Variants in RGL1 observed in about 807,000 individuals in gnomAD.
RGL1 encodes ral guanine nucleotide dissociation stimulator like 1.
A neutral mutation model predicts 95.2 loss-of-function variants in RGL1; 24 were observed. That is an observed-to-expected ratio of 0.25 (90% CI 0.18 to 0.35). The LOEUF is 0.35. Among genes scored for constraint, RGL1 ranks in the 10% least tolerant of loss-of-function variants. The pLI, the probability that RGL1 is intolerant of heterozygous loss-of-function variation, is 1.00. For missense variants in RGL1, 715 were observed against 936.3 expected (o/e 0.76, Z 3.08); for synonymous variants, 329 against 344.9 (o/e 0.95, Z 0.51).
In RGL1 at chr1:183,927,368, A is replaced by C. The variant is rs1469748389; in HGVS notation, c.*1076A>C. On this transcript the variant is annotated 3_prime_UTR_variant, in exon 18 of 18. Coordinates refer to ENST00000360851, the MANE Select transcript of RGL1 (RefSeq NM_001297671.3). The stretch of plus-strand genomic sequence containing the variant: ...TTTGATTATTTTGAGCTTGTGAAAG[A>C]TTTCTGAACAGTGATTGTCCCGTTA... The C allele has an allele frequency of 1.3e-5, 2 of 152,422 alleles. No homozygotes were observed. The highest frequency in any genetic ancestry group is 2.9e-5 in the Non-Finnish European group (2 of 68,022). The allele number at this position is 152,422 out of a possible 1,614,324, so 9.4% of individuals were successfully genotyped here. A position where few individuals can be genotyped will look rare whatever the true frequency, so the allele number is the denominator to read the frequency against.
intron 2 of RGL1, among the ~76,000 whole-genome samples, chr1:183,795,900 A>G (rs1193933223): frequency 6.6e-6 from 1 of 152,162 alleles, no homozygotes; most frequent in African/African-American, 2.4e-5. Context: ...GCTTCAAGCT[A>G]AAAAATCTTG....
At chr1:183,812,854 G>T (rs1161738553) in intron 2 of RGL1, among the ~76,000 whole-genome samples, 1 of 152,214 alleles carries the variant, frequency 6.6e-6, no homozygotes, top group Non-Finnish European at 1.5e-5. Flanking sequence ...CTCAGCCTGG[G>T]GAAGAGATAA....
intron 1 of RGL1, among the ~76,000 whole-genome samples, chr1:183,689,834 T>C (rs986744877): frequency 6.6e-6 from 1 of 152,064 alleles, no homozygotes; most frequent in Non-Finnish European, 1.5e-5. Context: ...ATAAAAAACA[T>C]TCATTCAGCT....
At chr1:183,774,944 C>A (rs1572396981) in intron 2 of RGL1, among the ~76,000 whole-genome samples, 1 of 152,302 alleles carries the variant, frequency 6.6e-6, no homozygotes, top group East Asian at 1.9e-4. Flanking sequence ...ATAACTGAAA[C>A]TCACCAGATC....
intron 1 of RGL1, among the ~76,000 whole-genome samples, chr1:183,664,785 G>A (rs1291777550): frequency 3.3e-5 from 5 of 151,878 alleles, no homozygotes; most frequent in East Asian, 1.9e-4. Flanking sequence ...GGAGTTTTTC[G>A]GTCAATTCTT....
At chr1:183,875,381 A>T (rs60294032) in intron 4 of RGL1, among the ~76,000 whole-genome samples, 3 of 152,202 alleles carry the variant, frequency 2.0e-5, no homozygotes, top group Non-Finnish European at 2.9e-5. Flanking sequence ...ACGTTTACCT[A>T]AAATCTGCAT....
chr1:183,701,763 C>T (rs6424906), intron 1 of RGL1, among the ~76,000 whole-genome samples: 71,983 of 151,596 alleles, frequency 0.47, 17,702 homozygotes, highest in East Asian at 0.76. Context: ...GTGGTGAAAC[C>T]CCATCTCCAC....
intron 1 of RGL1, among the ~76,000 whole-genome samples, chr1:183,645,610 G>A (rs1650234223): frequency 6.6e-6 from 1 of 152,234 alleles, no homozygotes; most frequent in South Asian, 2.1e-4. Flanking sequence ...TCCCCGGCCA[G>A]CCTGATATGA....
chr1:183,767,401 G>C (rs1659032701), intron 2 of RGL1, among the ~76,000 whole-genome samples: 1 of 152,136 alleles, frequency 6.6e-6, no homozygotes, highest in Admixed American at 6.5e-5. Flanking sequence ...GGAGGCTACA[G>C]TGTTACCCAC....
At position 183,916,674 on chromosome 1, in the gene RGL1, T is replaced by A. The variant is rs750957680; in HGVS notation, c.1977T>A (p.Asn659Lys). The change falls in exon 16 of 18, where the codon AAT becomes AAA. Residue 659 changes from asparagine (N) to lysine (K), a missense_variant. Coordinates refer to ENST00000360851, the MANE Select transcript of RGL1 (RefSeq NM_001297671.3). ...TCIIRISVED[N>K]NGNMYKSIML... ...TAATCCGCATCAGTGTGGAAGACAATAACGGCAACATGTACAAGAGCATCA... is the reference window on the plus strand; with the variant it reads ...TAATCCGCATCAGTGTGGAAGACAAAAACGGCAACATGTACAAGAGCATCA... The A allele has an allele frequency of 6.2e-7, 1 of 1,613,310 alleles. No homozygotes were observed. Among genetic ancestry groups the A allele is most frequent in the Non-Finnish European group, 8.5e-7 (1 of 1,179,938 alleles).
At chr1:183,813,618 A>T (rs1572445916) in intron 2 of RGL1, among the ~76,000 whole-genome samples, 2 of 152,214 alleles carry the variant, frequency 1.3e-5, no homozygotes, top group African/African-American at 2.4e-5. Flanking sequence ...CTATGATTAC[A>T]GAGTTGTATT....
intron 1 of RGL1, among the ~76,000 whole-genome samples, chr1:183,645,370 C>T (rs1455569658): frequency 6.6e-6 from 1 of 152,226 alleles, no homozygotes; most frequent in African/African-American, 2.4e-5. Flanking sequence ...CCCCCAAACC[C>T]TGGACCTTGG....
intron 2 of RGL1, among the ~76,000 whole-genome samples, chr1:183,755,883 CTTTTTTTTTT>C (rs533584889): frequency 7.3e-6 from 1 of 136,446 alleles, no homozygotes; most frequent in African/African-American, 2.7e-5. Context: ...TGAGTTCATT[CTTTTTTTTTT>C]TTTTTTTGAC....
At chr1:183,668,935 CTTTTCT>C (rs1652235821) in intron 1 of RGL1, among the ~76,000 whole-genome samples, 2 of 115,556 alleles carry the variant, frequency 1.7e-5, no homozygotes, top group Non-Finnish European at 3.6e-5. Flanking sequence ...ATTGGACTTT[CTTTTCT>C]TTTTTTTTTT....
intron 1 of RGL1, chr1:183,648,426 A>G: frequency 6.2e-7 from 1 of 1,614,208 alleles, no homozygotes; most frequent in Non-Finnish European, 8.5e-7. Context: ...GGAATACAGA[A>G]TGATATGCCT....
At chr1:183,735,915 G>A (rs1656909310) in intron 1 of RGL1, among the ~76,000 whole-genome samples, 1 of 152,278 alleles carries the variant, frequency 6.6e-6, no homozygotes. Flanking sequence ...ACAATTAGGA[G>A]GCTGTATCTT....
In RGL1 at chr1:183,897,741, G is replaced by T; in HGVS notation, c.1141-67G>T. 3 of 1,179,082 alleles carry T rather than the reference G, an allele frequency of 2.5e-6. No individual in the cohort carries two copies. The Admixed American group carries it at 5.3e-5, about 21-fold the overall frequency. 73.0% of individuals were successfully genotyped at this position (1,179,082 alleles called of 1,614,324 possible). A position where few individuals can be genotyped will look rare whatever the true frequency, so the allele number is the denominator to read the frequency against. On this transcript the variant is annotated intron_variant, in intron 9 of 17. Transcript: ENST00000360851. The stretch of plus-strand genomic sequence containing the variant: ...CAGGGTTGTGTGCGAGAAACTAGAT[G>T]CCTCTTTACTTCTTACCATTGTGGC...
intron 1 of RGL1, among the ~76,000 whole-genome samples, chr1:183,642,197 C>A (rs1025818546): frequency 1.3e-5 from 2 of 152,174 alleles, no homozygotes; most frequent in Non-Finnish European, 2.9e-5. Flanking sequence ...TTATCCTGTT[C>A]ATATTTTATT....
chr1:183,683,650 T>G (rs1653374043), intron 1 of RGL1, among the ~76,000 whole-genome samples: 1 of 152,234 alleles, frequency 6.6e-6, no homozygotes, highest in Non-Finnish European at 1.5e-5. Flanking sequence ...GTCTTGGGGT[T>G]GCTCTTCTCG....
Sources: gnomAD v4.1 joint callset for allele counts (sites outside exome capture counted in the v4.1 genomes callset) on GRCh38, gnomAD v4.1.1 for gene constraint, MANE v1.5 for transcripts, NCBI Gene and HGNC (gene_info 2026-07-23, HGNC 2026-07-21) for gene names.